IQCH: variants seen among roughly 807,000 people sequenced by gnomAD.
IQCH encodes IQ domain-containing protein H.
In IQCH, 98 loss-of-function variants were observed where a neutral mutation model predicts 117.0. That is an observed-to-expected ratio of 0.84 (90% CI 0.71 to 0.99). The LOEUF (loss-of-function observed/expected upper bound fraction) is 0.99, where lower values mean the gene tolerates loss of function less well. Ranked by LOEUF, IQCH falls within the 50% of genes least tolerant of loss-of-function variation. IQCH has a pLI of 0.00. For missense variants in IQCH, 1,102 were observed against 1,243.8 expected (o/e 0.89, Z 1.72); for synonymous variants, 412 against 448.2 (o/e 0.92, Z 1.02).
intron 14 of IQCH, among the ~76,000 whole-genome samples, chr15:67,409,581 C>T (rs1439940746): frequency 2.6e-5 from 4 of 152,188 alleles, no homozygotes; most frequent in Non-Finnish European, 5.9e-5. Flanking sequence ...GGGACAGACT[C>T]CTCGAGAAGC....
Position 67,395,075 on chromosome 15 carries a change from C to A in IQCH, c.1633-216C>A, listed in dbSNP as rs1465860017. On this transcript the variant is annotated intron_variant, in intron 12 of 20. Coordinates refer to ENST00000335894, the MANE Select transcript of IQCH (RefSeq NM_001031715.3). This position sits in a 1 kb window ranked among gnomAD's most constrained non-coding sequence, Gnocchi z 4.0. The stretch of plus-strand genomic sequence containing the variant: ...AAATACAGACGTGTAGTAATTAGTT[C>A]TATTCCCAGTGAGCCTATTTCCAAC... Among the ~76,000 whole-genome samples, 1 of 152,084 alleles carries A rather than the reference C, an allele frequency of 6.6e-6. No homozygotes were observed. Among genetic ancestry groups the A allele is most frequent in the South Asian group, 2.1e-4 (1 of 4,814 alleles).
Position 67,359,834 on chromosome 15 carries a change from T to A in IQCH, c.715-13T>A, listed in dbSNP as rs761899097. Reference sequence around the variant, plus strand: ...TCGTTTTGATTTAAACTGTGTCTCATTCTTCATTGTAGGGGAAAAGCAGAA... The same window carrying A: ...TCGTTTTGATTTAAACTGTGTCTCAATCTTCATTGTAGGGGAAAAGCAGAA... On this transcript the variant is annotated splice_polypyrimidine_tract_variant and intron_variant, in intron 7 of 20. Transcript: ENST00000335894. This position sits in a 1 kb window ranked among gnomAD's most constrained non-coding sequence, Gnocchi z 4.5. 5.7e-5 allele frequency: 86 copies of A among 1,519,570 alleles called. No homozygotes were observed. The South Asian group carries it at 7.1e-4, about 12-fold the overall frequency. 94.1% of individuals were successfully genotyped at this position (1,519,570 alleles called of 1,614,324 possible). A position where few individuals can be genotyped will look rare whatever the true frequency, so the allele number is the denominator to read the frequency against.
intron 8 of IQCH, 156 bp downstream of exon 8, chr15:67,360,041 G>GA (rs34407381): frequency 0.16 from 68,277 of 420,944 alleles, 144 homozygotes; most frequent in East Asian, 0.21. Context: ...ATGGTTTCAG[G>GA]AAAAAAAAAA....
chr15:67,268,526 G>A (rs1965769264), intron 3 of IQCH, among the ~76,000 whole-genome samples: 1 of 152,136 alleles, frequency 6.6e-6, no homozygotes, highest in Non-Finnish European at 1.5e-5. Context: ...ATCTGTACCA[G>A]CACTATCAGA....
chr15:67,384,966 C>T lies in IQCH; in HGVS notation c.1403C>T (p.Ala468Val), dbSNP rs1971063027. 1 of 1,612,050 alleles carries T rather than the reference C, an allele frequency of 6.2e-7. No homozygotes were observed. Among genetic ancestry groups the T allele is most frequent in the African/African-American group, 1.3e-5 (1 of 74,936 alleles). The change falls in exon 11 of 21, where the codon GCC becomes GTC. Residue 468 changes from alanine (A) to valine (V), a missense_variant. Transcript: ENST00000335894. The surrounding 1 kb of genome is among the most constrained non-coding windows in gnomAD (Gnocchi z 4.3). ...TCCCAGCCTGTGAGAGAACATATTG[C>T]CGATTTCAACACACAGCAGAACATG... ...GYSQPVREHI[A>V]DFNTQQNMQL...
chr15:67,388,685 G>A lies in IQCH; in HGVS notation c.1457-146G>A. 1 of 610,368 alleles carries A rather than the reference G, an allele frequency of 1.6e-6. No homozygotes were observed. Among genetic ancestry groups the A allele is most frequent in the Non-Finnish European group, 2.8e-6 (1 of 360,962 alleles). The allele number at this position is 610,368 out of a possible 1,614,324, so 37.8% of individuals were successfully genotyped here. ...GTAAAAAAGCCAGTTAGATTGCTCA[G>A]ATAGTACAAAACCAAACTAAATTAA... On this transcript the variant is annotated intron_variant, in intron 11 of 20. Coordinates refer to ENST00000335894, the MANE Select transcript of IQCH (RefSeq NM_001031715.3). This position sits in a 1 kb window ranked among gnomAD's most constrained non-coding sequence, Gnocchi z 5.5.
In IQCH at chr15:67,408,633, C is replaced by A. The variant is rs1039403281; in HGVS notation, c.2098-8298C>A. Among the ~76,000 whole-genome samples, 2 of 152,166 alleles carry A rather than the reference C, an allele frequency of 1.3e-5. No individual in the cohort carries two copies. The highest frequency in any genetic ancestry group is 2.4e-5 in the African/African-American group (1 of 41,440). ...TTTGCATAAAATTAAAATATAAATT[C>A]TCCTGATAGTCTCTCATTTCATTCC... is the stretch of plus-strand genomic sequence containing the variant. On this transcript the variant is annotated intron_variant, in intron 14 of 20. Transcript: ENST00000335894. This position sits in a 1 kb window ranked among gnomAD's most constrained non-coding sequence, Gnocchi z 4.2.
intron 18 of IQCH, among the ~76,000 whole-genome samples, chr15:67,477,505 C>A (rs2083235372): frequency 6.6e-6 from 1 of 152,130 alleles, no homozygotes. Context: ...TTTGCAGACA[C>A]ATAAAGTGGA....
intron 16 of IQCH, among the ~76,000 whole-genome samples, chr15:67,448,173 G>GTT (rs1045663896): frequency 6.6e-6 from 1 of 151,578 alleles, no homozygotes; most frequent in Non-Finnish European, 1.5e-5. Context: ...GTGTGTGTGT[G>GTT]TGTGTGTAAC....
In IQCH at chr15:67,427,589, A is replaced by G. The variant is rs1356906834; in HGVS notation, c.2505+6012A>G. Among the ~76,000 whole-genome samples, 1 of 152,174 alleles carries G rather than the reference A, an allele frequency of 6.6e-6. No individual in the cohort carries two copies. The highest frequency in any genetic ancestry group is 1.5e-5 in the Non-Finnish European group (1 of 68,028). On this transcript the variant is annotated intron_variant, in intron 16 of 20. Transcript: ENST00000335894. The surrounding 1 kb of genome is among the most constrained non-coding windows in gnomAD (Gnocchi z 4.7). ...CCTCATTTTCAGTTTTCTCAGCTAT[A>G]AAATGAGGAGGTTAGCTTATTTTGC... is the stretch of plus-strand genomic sequence containing the variant.
rs1044659826 is a variant in IQCH at position 67,342,734 on chromosome 15, T to A, written c.509-1329T>A. ...TAATTTCAAAAAGGTCCTAAAGTGT[T>A]ATACTCTGGATCAGTAATTCTTAAG... On this transcript the variant is annotated intron_variant, in intron 5 of 20. Transcript: ENST00000335894. This position sits in a 1 kb window ranked among gnomAD's most constrained non-coding sequence, Gnocchi z 4.7. Among the ~76,000 whole-genome samples the A allele has an allele frequency of 2.0e-5, 3 of 152,176 alleles. No homozygotes were observed. Among genetic ancestry groups the A allele is most frequent in the Non-Finnish European group, 4.4e-5 (3 of 68,026 alleles).
chr15:67,351,823 T>C (rs1969675539), intron 6 of IQCH, among the ~76,000 whole-genome samples: 1 of 152,190 alleles, frequency 6.6e-6, no homozygotes, highest in Admixed American at 6.5e-5. Flanking sequence ...TGGCATATCT[T>C]TTCTCATTTT....
chr15:67,275,533 A>C (rs1387475736), intron 3 of IQCH, among the ~76,000 whole-genome samples: 2 of 152,160 alleles, frequency 1.3e-5, no homozygotes, highest in Non-Finnish European at 2.9e-5. Flanking sequence ...GAACTGGAAG[A>C]CAGCATGAAG....
intron 12 of IQCH, among the ~76,000 whole-genome samples, chr15:67,394,982 T>C (rs564636769): frequency 1.3e-5 from 2 of 152,310 alleles, no homozygotes; most frequent in South Asian, 4.1e-4. Flanking sequence ...CAGAGATGAC[T>C]TGCTATTACC....
Position 67,496,326 on chromosome 15 carries a change from T to C in IQCH, c.2970+1960T>C, listed in dbSNP as rs377576608. Among the ~76,000 whole-genome samples the C allele has an allele frequency of 1.1e-4, 16 of 152,236 alleles. No homozygotes were observed. The East Asian group carries it at 2.1e-3, about 20-fold the overall frequency. On this transcript the variant is annotated intron_variant, in intron 20 of 20. Transcript: ENST00000335894. This position sits in a 1 kb window ranked among gnomAD's most constrained non-coding sequence, Gnocchi z 4.4. ...AATGCAGAAAATGCATTTAACAAAA[T>C]GTAACATTCTTTTCTGATAAAAACA...
At chr15:67,389,564 A>T (rs916772852) in intron 12 of IQCH, among the ~76,000 whole-genome samples, 20 of 152,142 alleles carry the variant, frequency 1.3e-4, no homozygotes, top group Admixed American at 3.3e-4. Context: ...CCATTGGGAA[A>T]TTCATGGAAT....
Position 67,426,920 on chromosome 15 carries a change from A to G in IQCH, c.2505+5343A>G, listed in dbSNP as rs1023844009. On this transcript the variant is annotated intron_variant, in intron 16 of 20. Coordinates refer to ENST00000335894, the MANE Select transcript of IQCH (RefSeq NM_001031715.3). This position sits in a 1 kb window ranked among gnomAD's most constrained non-coding sequence, Gnocchi z 5.1. Reference sequence around the variant, plus strand: ...AGGATTGCTTGGGCCCGGGAGGTCAATGCTGCAATAAGCTGTGATTGTACC... The same window carrying G: ...AGGATTGCTTGGGCCCGGGAGGTCAGTGCTGCAATAAGCTGTGATTGTACC... 6.6e-6 allele frequency among the ~76,000 whole-genome samples: 1 copy of G among 151,946 alleles called. No individual in the cohort carries two copies. Among genetic ancestry groups the G allele is most frequent in the African/African-American group, 2.4e-5 (1 of 41,374 alleles).
intron 4 of IQCH, among the ~76,000 whole-genome samples, chr15:67,303,166 ACCT>A (rs1967135806): frequency 6.6e-6 from 1 of 152,098 alleles, no homozygotes; most frequent in African/African-American, 2.4e-5. Context: ...AATACTTCTA[ACCT>A]CCTTTTTAAA....
At chr15:67,290,771 C>T (rs1309177602) in intron 4 of IQCH, among the ~76,000 whole-genome samples, 2 of 152,150 alleles carry the variant, frequency 1.3e-5, no homozygotes, top group African/African-American at 2.4e-5. Context: ...ATTCAACAAA[C>T]TTTGAGTGTC....
Sources: allele counts gnomAD v4.1 joint callset (sites outside exome capture counted in the v4.1 genomes callset), GRCh38; gene constraint gnomAD v4.1.1; non-coding constraint Gnocchi (gnomAD v3.1); transcripts MANE v1.5; gene names NCBI Gene and HGNC (gene_info 2026-07-23, HGNC 2026-07-21).